Variants in CACNA1C observed in about 807,000 individuals in gnomAD.
CACNA1C encodes the protein voltage-dependent L-type calcium channel subunit alpha-1C.
CACNA1C carries 30 observed loss-of-function variants against 229.0 expected under a neutral mutation model. That is an observed-to-expected ratio of 0.13 (90% CI 0.10 to 0.18). The LOEUF is 0.18. Ranked by LOEUF, CACNA1C falls within the 10% of genes least tolerant of loss-of-function variation. The pLI is 1.00. For missense variants in CACNA1C, 1,658 were observed against 2,845.0 expected, an observed-to-expected ratio of 0.58 and a Z score of 9.49; for synonymous variants, 1,114 against 1,132.5, an observed-to-expected ratio of 0.98 and a Z score of 0.33.
intron 3 of CACNA1C, among the ~76,000 whole-genome samples, chr12:2,192,505 C>T (rs183266194): frequency 2.2e-3 from 331 of 152,370 alleles, no homozygotes; most frequent in Admixed American, 5.3e-3. Flanking sequence ...GCAGTAAAGA[C>T]GTCCATTTCC....
At chr12:2,259,381 G>T (rs569312824) in intron 3 of CACNA1C, among the ~76,000 whole-genome samples, 2 of 152,326 alleles carry the variant, frequency 1.3e-5, no homozygotes, top group African/African-American at 4.8e-5. Flanking sequence ...TAACTAAGTA[G>T]TTAAAACATC....
chr12:2,690,362 C>G (rs1490454413), intron 46 of CACNA1C, among the ~76,000 whole-genome samples: 1 of 152,222 alleles, frequency 6.6e-6, no homozygotes, highest in Non-Finnish European at 1.5e-5. Context: ...CAGGGTCTCG[C>G]TCTGTCACCC....
intron 3 of CACNA1C, among the ~76,000 whole-genome samples, chr12:2,236,201 C>T (rs984171231): frequency 6.6e-6 from 1 of 152,182 alleles, no homozygotes; most frequent in African/African-American, 2.4e-5. Context: ...GCCCAAGAGC[C>T]ATCTGGGGAT....
At chr12:2,606,834 A>G in intron 25 of CACNA1C, 150 bp from the exon 26 acceptor site, 3 of 1,027,346 alleles carry the variant, frequency 2.9e-6, no homozygotes, top group Non-Finnish European at 4.3e-6. Flanking sequence ...TTGTTCCTGA[A>G]GTTTCTGCCC....
At chr12:2,345,024 A>G (rs981406123) in intron 3 of CACNA1C, among the ~76,000 whole-genome samples, 31 of 149,046 alleles carry the variant, frequency 2.1e-4, no homozygotes, top group African/African-American at 7.7e-4. Context: ...CCTTGAAATG[A>G]AGCTGGGAAC....
At chr12:2,206,688 A>G (rs957594073) in intron 3 of CACNA1C, among the ~76,000 whole-genome samples, 2 of 152,152 alleles carry the variant, frequency 1.3e-5, no homozygotes, top group African/African-American at 2.4e-5. Flanking sequence ...TTGCTCTCCA[A>G]TCTAGTCTAA....
chr12:2,206,030 G>A lies in CACNA1C; in HGVS notation c.477+85600G>A, dbSNP rs111939170. On this transcript the variant is annotated intron_variant, in intron 3 of 46. Transcript: ENST00000399655. Reference sequence around the variant, plus strand: ...CTAGGATTTCAGCATAGGAATTTGGGGGGACACATTCAGTCTGTCACCATG... The same window carrying A: ...CTAGGATTTCAGCATAGGAATTTGGAGGGACACATTCAGTCTGTCACCATG... Among the ~76,000 whole-genome samples, 1,484 of 152,250 alleles carry A rather than the reference G, an allele frequency of 9.7e-3. 23 individuals carry two copies. Among genetic ancestry groups the A allele is most frequent in the African/African-American group, 0.033 (1,357 of 41,530 alleles).
chr12:2,150,723 C>A (rs1386949471), intron 3 of CACNA1C, among the ~76,000 whole-genome samples: 1 of 152,210 alleles, frequency 6.6e-6, no homozygotes, highest in African/African-American at 2.4e-5. Flanking sequence ...GACACAGAAT[C>A]AAAATTTAAC....
intron 5 of CACNA1C, among the ~76,000 whole-genome samples, chr12:2,463,069 C>G (rs553787390): frequency 7.3e-6 from 1 of 137,236 alleles, no homozygotes; most frequent in South Asian, 2.7e-4. Flanking sequence ...CCCGCCACCA[C>G]GCCCGGCTAA....
At chr12:2,156,931 G>A (rs1219376863) in intron 3 of CACNA1C, among the ~76,000 whole-genome samples, 2 of 152,196 alleles carry the variant, frequency 1.3e-5, no homozygotes, top group Non-Finnish European at 2.9e-5. Flanking sequence ...GAAAGTAGAT[G>A]GACAAGTAGT....
intron 1 of CACNA1C, among the ~76,000 whole-genome samples, chr12:2,094,228 G>A (rs1357848015): frequency 1.3e-5 from 2 of 152,178 alleles, no homozygotes; most frequent in Non-Finnish European, 2.9e-5. Flanking sequence ...ATCCCCAAGG[G>A]TTAGGGAGAG....
At chr12:2,414,975 A>G (rs1229757277) in intron 3 of CACNA1C, among the ~76,000 whole-genome samples, 1 of 152,134 alleles carries the variant, frequency 6.6e-6, no homozygotes, top group African/African-American at 2.4e-5. Context: ...GGTATGAGTC[A>G]TGCCCACCGG....
intron 2 of CACNA1C, among the ~76,000 whole-genome samples, chr12:2,119,655 C>T (rs1487892003): frequency 6.6e-6 from 1 of 152,130 alleles, no homozygotes; most frequent in East Asian, 1.9e-4. Context: ...TGAAGCGGGA[C>T]CTCTGCAGAC....
intron 3 of CACNA1C, among the ~76,000 whole-genome samples, chr12:2,162,016 C>T (rs946145200): frequency 2.0e-5 from 3 of 152,158 alleles, no homozygotes; most frequent in East Asian, 1.9e-4. Flanking sequence ...ATTGTAAGGT[C>T]AACAATGGTA....
chr12:2,194,553 C>A (rs1463384012), intron 3 of CACNA1C, among the ~76,000 whole-genome samples: 1 of 152,110 alleles, frequency 6.6e-6, no homozygotes, highest in East Asian at 1.9e-4. Flanking sequence ...TCATTGATGA[C>A]TTTGCTCTTG....
At chr12:2,607,173 G>A (rs1464351909) in intron 26 of CACNA1C, 43 bp downstream of exon 26, 1 of 1,571,884 alleles carries the variant, frequency 6.4e-7, no homozygotes, top group South Asian at 1.2e-5. Flanking sequence ...GACATTCAAG[G>A]GCCAGTACTG....
At chr12:2,325,873 A>G (rs936997698) in intron 3 of CACNA1C, among the ~76,000 whole-genome samples, 11 of 152,154 alleles carry the variant, frequency 7.2e-5, no homozygotes, top group Non-Finnish European at 1.3e-4. Context: ...GAAGAGGGGG[A>G]CTGAAATAGG....
intron 3 of CACNA1C, among the ~76,000 whole-genome samples, chr12:2,358,250 CCTGTGT>C (rs1317057486): frequency 5.0e-5 from 6 of 120,348 alleles, no homozygotes; most frequent in Middle Eastern, 4.2e-3. Context: ...GCGGCGTCCT[CCTGTGT>C]GTGTGTGTGT....
In CACNA1C at chr12:2,679,705, C is replaced by T. The variant is rs1269164283; in HGVS notation, c.5353C>T (p.Pro1785Ser). 1.2e-6 allele frequency: 2 copies of T among 1,611,158 alleles called. No homozygotes were observed. Among genetic ancestry groups the T allele is most frequent in the Non-Finnish European group, 1.7e-6 (2 of 1,178,754 alleles). Residue 1785 changes from proline to serine, a missense_variant, in exon 42 of 47, where the codon CCC (proline) becomes TCC (serine). Pro to Ser is a moderately conservative substitution (Grantham distance 74). Coordinates refer to ENST00000399655, the MANE Select transcript of CACNA1C (RefSeq NM_000719.7). This position sits in a 1 kb window ranked among gnomAD's most constrained non-coding sequence, Gnocchi z 5.5. ...LGRLPRPAGYPSTVSTVEGHG... is the reference protein window; with the variant it reads ...LGRLPRPAGYSSTVSTVEGHG... ...TCGCCTCCCTCGCCCCGCCGGCTAC[C>T]CCAGCACGGTCAGCACTGTGGAGGG...
Sources: gnomAD v4.1 joint callset for allele counts (sites outside exome capture counted in the v4.1 genomes callset) on GRCh38, gnomAD v4.1.1 for gene constraint, Gnocchi (gnomAD v3.1) non-coding constraint, MANE v1.5 for transcripts, NCBI Gene and HGNC (gene_info 2026-07-23, HGNC 2026-07-21) for gene names.